The following MNT variants were observed in gnomAD, a reference collection of about 807,000 sequenced individuals.
MNT encodes the protein max-binding protein MNT.
A neutral mutation model predicts 40.7 loss-of-function variants in MNT; 13 were observed. The ratio of observed to expected loss-of-function variants is 0.32; its 90% confidence interval spans 0.21 to 0.51. The LOEUF is 0.51. Among genes scored for constraint, MNT ranks in the 20% least tolerant of loss-of-function variants. The pLI is 0.98. For synonymous variants in MNT, 426 were observed against 354.8 expected (o/e 1.20, Z -2.26); for missense variants, 757 against 792.0 (o/e 0.96, Z 0.53).
Position 2,388,294 on chromosome 17 carries a change from T to C in MNT, c.808-245A>G, listed in dbSNP as rs114170582. On this transcript the variant is annotated intron_variant, in intron 4 of 5. Coordinates refer to ENST00000174618, the MANE Select transcript of MNT (RefSeq NM_020310.3). ...CCACTGAAGCAAGCTCAACCAGGTG[T>C]GCAGGTCCTTCCCTGTCCTCCACAA... The C allele has an allele frequency of 7.9e-6, 4 of 505,214 alleles. No individual in the cohort carries two copies. The East Asian group carries it at 1.4e-4, about 17-fold the overall frequency. The allele number at this position is 505,214 out of a possible 1,614,324, so 31.3% of individuals were successfully genotyped here. A position where few individuals can be genotyped will look rare whatever the true frequency, so the allele number is the denominator to read the frequency against.
rs146682384 is a variant in MNT at position 2,387,078 on chromosome 17, G to A, written c.1572C>T (p.Leu524=). ...CCGTGCCGTTGACTTGCTGGTGCGA[G>A]AGGGTGTGGGCGATGTGGCTCACTG... is the stretch of plus-strand genomic sequence containing the variant. ...PVAVSHIAHT[L]SHQQVNGTAG... Residue 524 remains leucine (L), a synonymous_variant, in exon 6 of 6, where the codon CTC becomes CTT. Transcript: ENST00000174618. 12 of 1,570,558 alleles carry A rather than the reference G, an allele frequency of 7.6e-6. No individual in the cohort carries two copies. The highest frequency in any genetic ancestry group is 1.0e-5 in the Non-Finnish European group (12 of 1,158,122).
intron 4 of MNT, among the ~76,000 whole-genome samples, chr17:2,393,602 AC>A (rs889007616): frequency 3.9e-5 from 6 of 152,156 alleles, no homozygotes; most frequent in Admixed American, 2.6e-4. Context: ...GACGGGGACC[AC>A]GCCCAACCCT....
At chr17:2,394,770 A>G in intron 2 of MNT, 105 bp downstream of exon 2, 2 of 749,908 alleles carry the variant, frequency 2.7e-6, no homozygotes, top group South Asian at 1.7e-5. Context: ...GTTCAAATAC[A>G]GGGGGCACTT....
At position 2,394,164 on chromosome 17, in the gene MNT, G is replaced by A. The variant is rs1334181735; in HGVS notation, c.696-10C>T. ...TTTCAGATGGGCCCTCCTGAAGAGA[G>A]GGGCGAGCGCCGGTCAGCGGTGCCT... On this transcript the variant is annotated splice_polypyrimidine_tract_variant and intron_variant, in intron 3 of 5. Coordinates refer to ENST00000174618, the MANE Select transcript of MNT (RefSeq NM_020310.3). 2 of 1,608,206 alleles carry A rather than the reference G, an allele frequency of 1.2e-6. No homozygotes were observed. Among genetic ancestry groups the A allele is most frequent in the Admixed American group, 1.7e-5 (1 of 59,686 alleles).
chr17:2,386,552 C>T lies in MNT; in HGVS notation c.*349G>A, dbSNP rs1374921602. 1.9e-5 allele frequency: 5 copies of T among 266,158 alleles called. No homozygotes were observed. Among genetic ancestry groups the T allele is most frequent in the African/African-American group, 4.4e-5 (2 of 45,110 alleles). The allele number at this position is 266,158 out of a possible 1,614,324, so 16.5% of individuals were successfully genotyped here. On this transcript the variant is annotated 3_prime_UTR_variant, in exon 6 of 6. Transcript: ENST00000174618. ...CAATAGCAGCAGCAGCACACGAAGG[C>T]GGGGCAGGGCGGGGGAGAAGTCAGG... is the stretch of plus-strand genomic sequence containing the variant.
Position 2,388,615 on chromosome 17 carries a change from G to A in MNT, c.808-566C>T, listed in dbSNP as rs2066488213. On this transcript the variant is annotated intron_variant, in intron 4 of 5. Coordinates refer to ENST00000174618, the MANE Select transcript of MNT (RefSeq NM_020310.3). ...GCCCGCCTGTGACGCTTCTCGACGAGGCTCCATTTACATGCTGCTCCCCAT... is the reference window on the plus strand; with the variant it reads ...GCCCGCCTGTGACGCTTCTCGACGAAGCTCCATTTACATGCTGCTCCCCAT... 2.0e-5 allele frequency among the ~76,000 whole-genome samples: 3 copies of A among 152,084 alleles called. No homozygotes were observed. The South Asian group carries it at 6.2e-4, about 32-fold the overall frequency.
Position 2,395,086 on chromosome 17 carries a change from G to T in MNT, c.442C>A (p.Pro148Thr). The T allele has an allele frequency of 6.6e-7, 1 of 1,521,204 alleles. No individual in the cohort carries two copies. Among genetic ancestry groups the T allele is most frequent in the South Asian group, 1.3e-5 (1 of 76,388 alleles). 94.2% of individuals were successfully genotyped at this position (1,521,204 alleles called of 1,614,324 possible). The change falls in exon 2 of 6, where the codon CCC (proline) becomes ACC (threonine). Residue 148 changes from proline to threonine, a missense_variant. Coordinates refer to ENST00000174618, the MANE Select transcript of MNT (RefSeq NM_020310.3). Reference protein sequence around the residue: ...PSRPQVPTPAPLLPDSKATIP... With the variant: ...PSRPQVPTPATLLPDSKATIP... ...GTGGCCTTCGAGTCCGGCAGTAGGG[G>T]AGCAGGGGTGGGCACCTGCGGCCTG...
chr17:2,391,746 T>C (rs1447355716), intron 4 of MNT: 1 of 152,304 alleles, frequency 6.6e-6, no homozygotes, highest in Non-Finnish European at 1.5e-5. Context: ...GCCCCACTGG[T>C]CTCTCCAGGA....
intron 1 of MNT, among the ~76,000 whole-genome samples, chr17:2,395,897 G>A (rs976112152): frequency 2.1e-5 from 3 of 144,294 alleles, no homozygotes; most frequent in African/African-American, 5.8e-5. Context: ...CTTCACACCA[G>A]AGGGGGGGGT....
At chr17:2,390,663 GAGC>G (rs1567866277) in intron 4 of MNT, 2 of 152,138 alleles carry the variant, frequency 1.3e-5, no homozygotes, top group African/African-American at 4.8e-5. Flanking sequence ...GCTGCACTAG[GAGC>G]AGTTTTGCTG....
At position 2,386,988 on chromosome 17, in the gene MNT, G is replaced by T. The variant is rs758997137; in HGVS notation, c.1662C>A (p.His554Gln). Residue 554 changes from histidine to glutamine, a missense_variant, in exon 6 of 6, where the codon CAC becomes CAA. Physicochemically the swap from His to Gln is conservative, Grantham distance 24. Transcript: ENST00000174618. ...GCACGGTCTGGCCCACCAGCTGGGGGTGGTGCACCACCTGAGCCCCCACGG... is the reference window on the plus strand; with the variant it reads ...GCACGGTCTGGCCCACCAGCTGGGGTTGGTGCACCACCTGAGCCCCCACGG... The part of the protein sequence containing the change: ...KPAVGAQVVH[H>Q]PQLVGQTVLN... 12 of 1,527,704 alleles carry T rather than the reference G, an allele frequency of 7.9e-6. No individual in the cohort carries two copies. The highest frequency in any genetic ancestry group is 1.4e-5 in the African/African-American group (1 of 73,374). The allele number at this position is 1,527,704 out of a possible 1,614,324, so 94.6% of individuals were successfully genotyped here. A position where few individuals can be genotyped will look rare whatever the true frequency, so the allele number is the denominator to read the frequency against.
chr17:2,385,810 T>C lies in MNT; in HGVS notation c.*1091A>G, dbSNP rs1301667532. On this transcript the variant is annotated 3_prime_UTR_variant, in exon 6 of 6. Coordinates refer to ENST00000174618, the MANE Select transcript of MNT (RefSeq NM_020310.3). Reference sequence around the variant, plus strand: ...CAGGCTTAGGGCTTGGCTAAGCCGCTGGGTTTTTACCTTCCTGATGTCTCA... The same window carrying C: ...CAGGCTTAGGGCTTGGCTAAGCCGCCGGGTTTTTACCTTCCTGATGTCTCA... 2.0e-5 allele frequency: 3 copies of C among 152,304 alleles called. No homozygotes were observed. The highest frequency in any genetic ancestry group is 7.2e-5 in the African/African-American group (3 of 41,464). 9.4% of individuals were successfully genotyped at this position (152,304 alleles called of 1,614,324 possible).
At position 2,386,141 on chromosome 17, in the gene MNT, C is replaced by T. The variant is rs1244714672; in HGVS notation, c.*760G>A. On this transcript the variant is annotated 3_prime_UTR_variant, in exon 6 of 6. Coordinates refer to ENST00000174618, the MANE Select transcript of MNT (RefSeq NM_020310.3). ...AAGGGGAAGGACAGCCAAGTCCCTC[C>T]TTCCCCACCTCAGCCTGCCCTCCTG... is the stretch of plus-strand genomic sequence containing the variant. 1 of 152,252 alleles carries T rather than the reference C, an allele frequency of 6.6e-6. No individual in the cohort carries two copies. The highest frequency in any genetic ancestry group is 2.4e-5 in the African/African-American group (1 of 41,444). 9.4% of individuals were successfully genotyped at this position (152,252 alleles called of 1,614,324 possible).
At position 2,400,682 on chromosome 17, in the gene MNT, G is replaced by A. The variant is rs1475971340; in HGVS notation, c.31C>T (p.Arg11Cys). Residue 11 changes from arginine (R) to cysteine (C), a missense_variant, in exon 1 of 6, where the codon CGC (arginine) becomes TGC (cysteine). Arg to Cys is a radical substitution (Grantham distance 180). Coordinates refer to ENST00000174618, the MANE Select transcript of MNT (RefSeq NM_020310.3). MSIETLLEAA[R>C]FLEWQAQQQQ... ...TGCTGCGCTTGCCATTCCAGGAAGCGGGCCGCCTCCAGTAGCGTCTCTATG... is the reference window on the plus strand; with the variant it reads ...TGCTGCGCTTGCCATTCCAGGAAGCAGGCCGCCTCCAGTAGCGTCTCTATG... The A allele has an allele frequency of 3.2e-6, 5 of 1,587,282 alleles. No homozygotes were observed. In the African/African-American group the frequency reaches 4.2e-5, roughly 13 times the overall value.
Position 2,394,037 on chromosome 17 carries a change from C to T in MNT, c.807+6G>A, listed in dbSNP as rs776478169. ...GCTGCGCGACGCCGGCCTCCGGGCC[C>T]CATACCTGGATGTACCGCAGCGCCG... On this transcript the variant is annotated splice_donor_region_variant and intron_variant, in intron 4 of 5. Coordinates refer to ENST00000174618, the MANE Select transcript of MNT (RefSeq NM_020310.3). The T allele has an allele frequency of 3.2e-6, 5 of 1,582,974 alleles. No homozygotes were observed. In the African/African-American group the frequency reaches 4.2e-5, roughly 13 times the overall value.
At chr17:2,392,863 G>A (rs1461615052) in intron 4 of MNT, 1 of 152,136 alleles carries the variant, frequency 6.6e-6, no homozygotes, top group Non-Finnish European at 1.5e-5. Context: ...CCCTGGCCGG[G>A]AGGGCGGGCG....
At chr17:2,392,062 C>G (rs2066520638) in intron 4 of MNT, 1 of 152,310 alleles carries the variant, frequency 6.6e-6, no homozygotes, top group South Asian at 2.1e-4. Context: ...CTCAAAGGTC[C>G]TTTCCTCAGG....
At chr17:2,388,476 C>T (rs936484803) in intron 4 of MNT, among the ~76,000 whole-genome samples, 5 of 152,112 alleles carry the variant, frequency 3.3e-5, no homozygotes, top group African/African-American at 7.2e-5. Context: ...CATCCTTGCA[C>T]GATGAGCCAC....
At position 2,386,601 on chromosome 17, in the gene MNT, G is replaced by C. The variant is rs1384908744; in HGVS notation, c.*300C>G. 1 of 381,342 alleles carries C rather than the reference G, an allele frequency of 2.6e-6. No individual in the cohort carries two copies. Among genetic ancestry groups the C allele is most frequent in the East Asian group, 4.1e-5 (1 of 24,294 alleles). The allele number at this position is 381,342 out of a possible 1,614,324, so 23.6% of individuals were successfully genotyped here. On this transcript the variant is annotated 3_prime_UTR_variant, in exon 6 of 6. Transcript: ENST00000174618. ...GGGAGCGTGACGTCCACATCGCACT[G>C]ATTTCCGAGGGTAGGGAGGGGAAGC...
Sources: allele counts gnomAD v4.1 joint callset (sites outside exome capture counted in the v4.1 genomes callset), GRCh38; gene constraint gnomAD v4.1.1; transcripts MANE v1.5; gene names NCBI Gene and HGNC (gene_info 2026-07-23, HGNC 2026-07-21).